POLDIP3: variants seen among roughly 807,000 people sequenced by gnomAD.
POLDIP3 encodes the protein DNA polymerase delta interacting protein 3, also known as polymerase delta-interacting protein 3.
A neutral mutation model predicts 45.1 loss-of-function variants in POLDIP3; 14 were observed. The ratio of observed to expected loss-of-function variants is 0.31; its 90% CI spans 0.20 to 0.49. POLDIP3 has a LOEUF of 0.49. POLDIP3 is among the 20% of genes least tolerant of loss of function. POLDIP3 has a pLI of 0.99. For missense variants in POLDIP3, 511 were observed against 538.8 expected (o/e 0.95, Z 0.51); for synonymous variants, 223 against 205.2 (o/e 1.09, Z -0.74).
intron 3 of POLDIP3, 30 bp downstream of exon 3, chr22:42,601,938 TTC>T (rs113251689): frequency 6.1e-3 from 8,541 of 1,407,130 alleles, no homozygotes; most frequent in South Asian, 0.014. Context: ...TACACACAGA[TTC>T]TCTCTCTCTC....
chr22:42,597,778 C>CT (rs1601892946), intron 4 of POLDIP3: 3 of 425,754 alleles, frequency 7.0e-6, no homozygotes, highest in Admixed American at 2.9e-5. Flanking sequence ...GCTTCACGAC[C>CT]TCTTTTTTTT....
rs1295477455 is a variant in POLDIP3 at position 42,585,138 on chromosome 22, C to T, written c.*653G>A. 4 of 439,950 alleles carry T rather than the reference C, an allele frequency of 9.1e-6. No individual in the cohort carries two copies. The highest frequency in any genetic ancestry group is 2.5e-5 in the Admixed American group (1 of 39,682). 27.3% of individuals were successfully genotyped at this position (439,950 alleles called of 1,614,324 possible). Reference sequence around the variant, plus strand: ...CTGGAGAACTTCCTCTGGGTGGAGACGACACGGGACTCCAAGCCAAGAGCT... The same window carrying T: ...CTGGAGAACTTCCTCTGGGTGGAGATGACACGGGACTCCAAGCCAAGAGCT... On this transcript the variant is annotated 3_prime_UTR_variant, in exon 9 of 9. Transcript: ENST00000252115.
intron 3 of POLDIP3, among the ~76,000 whole-genome samples, chr22:42,600,844 T>TTACA (rs1926319872): frequency 6.6e-6 from 1 of 151,666 alleles, no homozygotes; most frequent in African/African-American, 2.4e-5. Flanking sequence ...TGACTCATGC[T>TTACA]TGTAATCCCA....
chr22:42,590,539 G>A (rs979792756), intron 7 of POLDIP3, among the ~76,000 whole-genome samples: 3 of 151,742 alleles, frequency 2.0e-5, no homozygotes, highest in Non-Finnish European at 2.9e-5. Flanking sequence ...ACATCTAAAC[G>A]TAGAAAAAAT....
At position 42,585,747 on chromosome 22, in the gene POLDIP3, G is replaced by C. The variant is rs376547622; in HGVS notation, c.*44C>G. The C allele has an allele frequency of 1.3e-5, 21 of 1,578,854 alleles. No homozygotes were observed. Among genetic ancestry groups the C allele is most frequent in the Non-Finnish European group, 1.7e-5 (20 of 1,161,530 alleles). ...ATAAGCTTTGCCTTGGGGAAACAGA[G>C]CCACCCTCCTCTGCCCCCACTTCTG... is the stretch of plus-strand genomic sequence containing the variant. On this transcript the variant is annotated 3_prime_UTR_variant, in exon 9 of 9. Coordinates refer to ENST00000252115, the MANE Select transcript of POLDIP3 (RefSeq NM_032311.5).
chr22:42,589,507 G>A (rs2089780672), intron 7 of POLDIP3, among the ~76,000 whole-genome samples: 1 of 151,852 alleles, frequency 6.6e-6, no homozygotes. Context: ...GAAAGGAACA[G>A]ACCAACAGTA....
chr22:42,593,366 G>A (rs367697348), intron 6 of POLDIP3, among the ~76,000 whole-genome samples: 8 of 152,116 alleles, frequency 5.3e-5, no homozygotes, highest in African/African-American at 9.7e-5. Context: ...GAAGAGAAGC[G>A]AGGGTGATTA....
intron 1 of POLDIP3, among the ~76,000 whole-genome samples, chr22:42,612,888 C>G (rs1178293092): frequency 6.6e-6 from 1 of 152,134 alleles, no homozygotes; most frequent in Non-Finnish European, 1.5e-5. Context: ...ATCACCATTC[C>G]AAGTGAGGAA....
At chr22:42,606,594 G>C (rs536940799) in intron 1 of POLDIP3, among the ~76,000 whole-genome samples, 2 of 152,270 alleles carry the variant, frequency 1.3e-5, no homozygotes, top group Admixed American at 6.5e-5. Context: ...CTGTCCTCCA[G>C]GCTGGACAAC....
chr22:42,590,510 A>G (rs577015790), intron 7 of POLDIP3, among the ~76,000 whole-genome samples: 50 of 152,034 alleles, frequency 3.3e-4, no homozygotes, highest in African/African-American at 1.1e-3. Context: ...TACTGAGTAG[A>G]GTAGGCAACT....
intron 1 of POLDIP3, among the ~76,000 whole-genome samples, chr22:42,607,194 C>T (rs1176805935): frequency 6.6e-6 from 1 of 152,232 alleles, no homozygotes; most frequent in African/African-American, 2.4e-5. Context: ...GCCATCTCGG[C>T]TCACTGCAGC....
At chr22:42,613,526 G>A (rs1309045028) in intron 1 of POLDIP3, among the ~76,000 whole-genome samples, 13 of 152,178 alleles carry the variant, frequency 8.5e-5, no homozygotes. Context: ...TTAGGAGGCC[G>A]AGGCGGGAGG....
At chr22:42,590,268 A>G (rs1317510354) in intron 7 of POLDIP3, among the ~76,000 whole-genome samples, 1 of 152,234 alleles carries the variant, frequency 6.6e-6, no homozygotes, top group Non-Finnish European at 1.5e-5. Flanking sequence ...AGCTCACTAC[A>G]GCCTCAACTT....
At chr22:42,613,142 A>G (rs540872661) in intron 1 of POLDIP3, among the ~76,000 whole-genome samples, 236 of 152,340 alleles carry the variant, frequency 1.5e-3, no homozygotes, top group Middle Eastern at 3.4e-3. Flanking sequence ...CAGAGAGAGA[A>G]GAACCTGGGG....
In POLDIP3 at chr22:42,600,620, G is replaced by T. The variant is rs769045254; in HGVS notation, c.538-827C>A. ...CAGTCTGAGTGACAGAGCGAGACTC[G>T]GTCTCAAAAAAAAAAAAAGAATATA... On this transcript the variant is annotated intron_variant, in intron 3 of 8. Transcript: ENST00000252115. Among the ~76,000 whole-genome samples, 51 of 147,872 alleles carry T rather than the reference G, an allele frequency of 3.4e-4. 1 individual carries two copies. Among genetic ancestry groups the T allele is most frequent in the Non-Finnish European group, 5.8e-4 (39 of 67,150 alleles).
At position 42,606,554 on chromosome 22, in the gene POLDIP3, G is replaced by A. The variant is rs192404776; in HGVS notation, c.60-3394C>T. ...AGGAAGACCACCTGAGCCCCAGACTGCAATGTTGCCGTGAGCCAGGATCGA... is the reference window on the plus strand; with the variant it reads ...AGGAAGACCACCTGAGCCCCAGACTACAATGTTGCCGTGAGCCAGGATCGA... On this transcript the variant is annotated intron_variant, in intron 1 of 8. Coordinates refer to ENST00000252115, the MANE Select transcript of POLDIP3 (RefSeq NM_032311.5). 8.3e-4 allele frequency among the ~76,000 whole-genome samples: 126 copies of A among 152,284 alleles called. 1 individual carries two copies. Among genetic ancestry groups the A allele is most frequent in the Middle Eastern group, 3.4e-3 (1 of 294 alleles).
chr22:42,598,147 A>G (rs568035954), intron 4 of POLDIP3, among the ~76,000 whole-genome samples: 1 of 148,082 alleles, frequency 6.8e-6, no homozygotes, highest in Non-Finnish European at 1.5e-5. Flanking sequence ...CAGTGGCACA[A>G]TCTCGGCTCA....
chr22:42,614,427 C>A (rs538860799), intron 1 of POLDIP3, among the ~76,000 whole-genome samples: 78 of 152,308 alleles, frequency 5.1e-4, no homozygotes, highest in African/African-American at 1.8e-3. Flanking sequence ...TGGGTGGAGA[C>A]CAGGCAGCGC....
chr22:42,592,396 A>G (rs1406660576), intron 6 of POLDIP3, among the ~76,000 whole-genome samples: 1 of 152,270 alleles, frequency 6.6e-6, no homozygotes, highest in Non-Finnish European at 1.5e-5. Context: ...AAATTTTCGC[A>G]AAGAGCCCTG....
Sources: gnomAD v4.1 joint callset for allele counts (sites outside exome capture counted in the v4.1 genomes callset) on GRCh38, gnomAD v4.1.1 for gene constraint, MANE v1.5 for transcripts, NCBI Gene and HGNC (gene_info 2026-07-23, HGNC 2026-07-21) for gene names.